The following RAB40C variants were observed in gnomAD, a reference collection of about 807,000 sequenced individuals.
The protein encoded by RAB40C is RAB40C, member RAS oncogene family.
In RAB40C, 8 loss-of-function variants were observed where a neutral mutation model predicts 28.1. That is an observed-to-expected ratio of 0.28 (90% CI 0.17 to 0.51). The LOEUF (loss-of-function observed/expected upper bound fraction) is 0.51, where lower values mean the gene tolerates loss of function less well. Among genes scored for constraint, RAB40C ranks in the 20% least tolerant of loss-of-function variants. RAB40C has a pLI of 0.97. For synonymous variants in RAB40C, 201 were observed against 171.7 expected, an observed-to-expected ratio of 1.17 and a Z score of -1.34; for missense variants, 288 against 405.9, an observed-to-expected ratio of 0.71 and a Z score of 2.50.
At chr16:615,002 G>A (rs145951340) in intron 1 of RAB40C, among the ~76,000 whole-genome samples, 35 of 152,362 alleles carry the variant, frequency 2.3e-4, no homozygotes, top group Non-Finnish European at 4.4e-4. Context: ...CACAGCCGTG[G>A]CCCTTTTGGC....
Position 627,601 on chromosome 16 carries a change from G to A in RAB40C, c.825G>A (p.Arg275=), listed in dbSNP as rs1195442242. The change falls in exon 6 of 6, where the codon CGG becomes CGA. Residue 275 remains arginine, a synonymous_variant. Coordinates refer to ENST00000248139, the MANE Select transcript of RAB40C (RefSeq NM_021168.5). Reference sequence around the variant, plus strand: ...AGAGCCCCCCCCAGAACTGCTCGCGGAGTAACTGCAAGATCTCCTAGCGGG... The same window carrying A: ...AGAGCCCCCCCCAGAACTGCTCGCGAAGTAACTGCAAGATCTCCTAGCGGG... ...PPQSPPQNCS[R]SNCKIS 2 of 1,594,490 alleles carry A rather than the reference G, an allele frequency of 1.3e-6. No homozygotes were observed. Among genetic ancestry groups the A allele is most frequent in the African/African-American group, 1.3e-5 (1 of 74,648 alleles).
In RAB40C at chr16:610,573, C is replaced by G. The variant is rs2036462472; in HGVS notation, c.143-6635C>G. 6.6e-6 allele frequency among the ~76,000 whole-genome samples: 1 copy of G among 152,212 alleles called. No individual in the cohort carries two copies. The highest frequency in any genetic ancestry group is 2.4e-5 in the African/African-American group (1 of 41,454). On this transcript the variant is annotated intron_variant, in intron 1 of 5. Coordinates refer to ENST00000248139, the MANE Select transcript of RAB40C (RefSeq NM_021168.5). The surrounding 1 kb of genome is among the most constrained non-coding windows in gnomAD (Gnocchi z 4.6). ...CAACAGGAGGTAAAAATGAACAGCACACCAAGAGAATATGTCACAGCTGAT... is the reference window on the plus strand; with the variant it reads ...CAACAGGAGGTAAAAATGAACAGCAGACCAAGAGAATATGTCACAGCTGAT...
rs1464354113 is a variant in RAB40C at position 625,193 on chromosome 16, C to G, written c.265-239C>G. 8 of 1,414,850 alleles carry G rather than the reference C, an allele frequency of 5.7e-6. No individual in the cohort carries two copies. In the South Asian group the frequency reaches 1.0e-4, roughly 18 times the overall value. 87.6% of individuals were successfully genotyped at this position (1,414,850 alleles called of 1,614,324 possible). On this transcript the variant is annotated intron_variant, in intron 3 of 5. Transcript: ENST00000248139. ...GCTCCAGGGGAGGGAGGGGAAGCGG[C>G]ATTTCTGACACCATGGAAGGCGCCC...
chr16:608,883 G>A (rs2036420695), intron 1 of RAB40C, among the ~76,000 whole-genome samples: 2 of 152,292 alleles, frequency 1.3e-5, no homozygotes, highest in East Asian at 3.9e-4. Flanking sequence ...GGGAGGTCAA[G>A]GTGGGCAGAT....
At chr16:624,478 G>A (rs2151081072) in intron 3 of RAB40C, 2 of 985,466 alleles carry the variant, frequency 2.0e-6, no homozygotes, top group Non-Finnish European at 2.4e-6. Flanking sequence ...TTCGCCCTGG[G>A]AGCTTAGTAA....
intron 1 of RAB40C, among the ~76,000 whole-genome samples, chr16:600,524 G>A (rs574189421): frequency 3.9e-4 from 59 of 152,248 alleles, no homozygotes; most frequent in Admixed American, 1.2e-3. Flanking sequence ...AGGCCGAGGC[G>A]GGCGGATCAC....
Position 625,882 on chromosome 16 carries a change from G to A in RAB40C, c.343-17G>A. The A allele has an allele frequency of 6.2e-7, 1 of 1,606,004 alleles. No individual in the cohort carries two copies. The highest frequency in any genetic ancestry group is 8.5e-7 in the Non-Finnish European group (1 of 1,175,628). On this transcript the variant is annotated splice_polypyrimidine_tract_variant and intron_variant, in intron 4 of 5. Transcript: ENST00000248139. ...GGCACCCTGCGTTTGTGCGTCTGCT[G>A]AGTTCTGTGCCCCCAGCATGCACCC...
Position 597,873 on chromosome 16 carries a change from G to A in RAB40C, c.142+7440G>A, listed in dbSNP as rs983933572. Among the ~76,000 whole-genome samples the A allele has an allele frequency of 3.3e-4, 49 of 149,350 alleles. No individual in the cohort carries two copies. In the Admixed American group the frequency reaches 3.3e-3, roughly 10 times the overall value. Reference sequence around the variant, plus strand: ...CTCAGCACCTTGGGAGGCCGAGGTAGGCGGAGTGCTGGAGCCCAGGAGTTT... The same window carrying A: ...CTCAGCACCTTGGGAGGCCGAGGTAAGCGGAGTGCTGGAGCCCAGGAGTTT... On this transcript the variant is annotated intron_variant, in intron 1 of 5. Transcript: ENST00000248139.
intron 2 of RAB40C, among the ~76,000 whole-genome samples, chr16:617,501 GT>G (rs2151075965): frequency 6.6e-6 from 1 of 152,322 alleles, no homozygotes; most frequent in Admixed American, 6.5e-5. Context: ...ACCTGATTCC[GT>G]GGTGGCTGTG....
At chr16:615,727 C>T (rs1183587087) in intron 1 of RAB40C, among the ~76,000 whole-genome samples, 1 of 151,692 alleles carries the variant, frequency 6.6e-6, no homozygotes, top group Non-Finnish European at 1.5e-5. Context: ...TTTGGGAGGC[C>T]AAGGCGGGCG....
At chr16:589,395 C>T (rs1226288961), upstream of RAB40C, 2 of 152,264 alleles carry the variant, frequency 1.3e-5, no homozygotes, top group Non-Finnish European at 2.9e-5. Flanking sequence ...GAGGGTTCTG[C>T]GGAAGCAGGC....
intron 5 of RAB40C, among the ~76,000 whole-genome samples, chr16:626,997 C>T (rs1296371665): frequency 3.9e-5 from 6 of 152,142 alleles, no homozygotes; most frequent in South Asian, 2.1e-4. Flanking sequence ...CGCGCTCCCC[C>T]GCTCTAGGGG....
chr16:598,106 A>G (rs1332398191), intron 1 of RAB40C, among the ~76,000 whole-genome samples: 1 of 151,494 alleles, frequency 6.6e-6, no homozygotes, highest in Non-Finnish European at 1.5e-5. Context: ...TTGGCCAGGC[A>G]TGGTGGCTCA....
At chr16:608,453 G>T (rs2036412727) in intron 1 of RAB40C, among the ~76,000 whole-genome samples, 1 of 152,228 alleles carries the variant, frequency 6.6e-6, no homozygotes, top group African/African-American at 2.4e-5. Context: ...AGGGCTAGGT[G>T]CTGTGCCAAA....
At chr16:602,903 G>A (rs1311295589) in intron 1 of RAB40C, among the ~76,000 whole-genome samples, 1 of 152,204 alleles carries the variant, frequency 6.6e-6, no homozygotes, top group African/African-American at 2.4e-5. Flanking sequence ...TGAGATTGGG[G>A]TTTAAGCCAC....
At chr16:593,901 G>A (rs2036055348) in intron 1 of RAB40C, among the ~76,000 whole-genome samples, 1 of 152,216 alleles carries the variant, frequency 6.6e-6, no homozygotes, top group African/African-American at 2.4e-5. Flanking sequence ...ATGGTGGCGA[G>A]TTACCCGGCA....
At chr16:604,826 G>A (rs1015806344) in intron 1 of RAB40C, among the ~76,000 whole-genome samples, 7 of 152,178 alleles carry the variant, frequency 4.6e-5, no homozygotes, top group African/African-American at 1.4e-4. Context: ...TTGGGAGGCC[G>A]AGGCAGGCAG....
chr16:599,084 A>C (rs2036193811), intron 1 of RAB40C, among the ~76,000 whole-genome samples: 1 of 152,258 alleles, frequency 6.6e-6, no homozygotes, highest in African/African-American at 2.4e-5. Context: ...AGATGACATC[A>C]GGATTCAGGA....
At position 627,602 on chromosome 16, in the gene RAB40C, A is replaced by G; in HGVS notation, c.826A>G (p.Ser276Gly). 1 of 1,592,900 alleles carries G rather than the reference A, an allele frequency of 6.3e-7. No individual in the cohort carries two copies. Among genetic ancestry groups the G allele is most frequent in the Non-Finnish European group, 8.6e-7 (1 of 1,167,718 alleles). ...GAGCCCCCCCCAGAACTGCTCGCGG[A>G]GTAACTGCAAGATCTCCTAGCGGGG... Reference protein sequence around the residue: ...PQSPPQNCSRSNCKIS With the variant: ...PQSPPQNCSRGNCKIS Residue 276 changes from serine to glycine, a missense_variant, in exon 6 of 6, where the codon AGT becomes GGT. Physicochemically the swap from Ser to Gly is moderately conservative, Grantham distance 56. Transcript: ENST00000248139.
Sources: gnomAD v4.1 joint callset for allele counts (sites outside exome capture counted in the v4.1 genomes callset) on GRCh38, gnomAD v4.1.1 for gene constraint, Gnocchi (gnomAD v3.1) non-coding constraint, MANE v1.5 for transcripts, NCBI Gene and HGNC (gene_info 2026-07-23, HGNC 2026-07-21) for gene names.